Variants in WNT2B observed in about 807,000 individuals in gnomAD.
WNT2B encodes the protein Wnt family member 2B.
In WNT2B, 19 loss-of-function variants were observed where a neutral mutation model predicts 40.5. The observed-to-expected ratio is 0.47, with a 90% CI of 0.33 to 0.69. The LOEUF is 0.69. Ranked by LOEUF, WNT2B falls within the 30% of genes least tolerant of loss-of-function variation. The pLI is 0.02. For missense variants in WNT2B, 467 were observed against 556.4 expected, an observed-to-expected ratio of 0.84 and a Z score of 1.62; for synonymous variants, 220 against 211.9, an observed-to-expected ratio of 1.04 and a Z score of -0.33.
At position 112,517,317 on chromosome 1, in the gene WNT2B, G is replaced by A. The variant is rs766318758; in HGVS notation, c.878G>A (p.Arg293His). 9.9e-6 allele frequency: 16 copies of A among 1,614,134 alleles called. No homozygotes were observed. Among genetic ancestry groups the A allele is most frequent in the African/African-American group, 5.3e-5 (4 of 75,058 alleles). Residue 293 changes from arginine (R) to histidine (H), a missense_variant, in exon 4 of 5, where the codon CGT (arginine) becomes CAT (histidine). Arg to His is a conservative substitution (Grantham distance 29). Coordinates refer to ENST00000369684, the MANE Select transcript of WNT2B (RefSeq NM_024494.3). ...NFTAARQGYR[R>H]ATRTDLVYFD... Reference sequence around the variant, plus strand: ...ACCGCAGCCCGCCAAGGCTATCGCCGTGCCACCCGGACTGATCTTGTCTAC... The same window carrying A: ...ACCGCAGCCCGCCAAGGCTATCGCCATGCCACCCGGACTGATCTTGTCTAC...
intron 1 of WNT2B, among the ~76,000 whole-genome samples, chr1:112,490,596 T>C (rs1391419431): frequency 6.6e-6 from 1 of 151,740 alleles, no homozygotes; most frequent in Non-Finnish European, 1.5e-5. Context: ...TTCACGCCAT[T>C]CTCCTGCCTC....
chr1:112,529,768 AAAAAG>A lies in WNT2B; in HGVS notation c.*9260_*9264del, dbSNP rs1440313173. On this transcript the variant is annotated 3_prime_UTR_variant, in exon 5 of 5. Transcript: ENST00000369684. The stretch of plus-strand genomic sequence containing the variant: ...ATAAAAGTTAAAAAAAAAAAAAAAA[AAAAAG>A]GTAACTATGCTCATTATTTTCAACC... 2 of 152,040 alleles carry A rather than the reference AAAAAG, an allele frequency of 1.3e-5. No individual in the cohort carries two copies. The highest frequency in any genetic ancestry group is 3.8e-4 in the East Asian group (2 of 5,198). 9.4% of individuals were successfully genotyped at this position (152,040 alleles called of 1,614,324 possible).
At position 112,509,090 on chromosome 1, in the gene WNT2B, G is replaced by T; in HGVS notation, c.-173G>T. 7.4e-7 allele frequency: 1 copy of T among 1,349,366 alleles called. No homozygotes were observed. Among genetic ancestry groups the T allele is most frequent in the Non-Finnish European group, 9.4e-7 (1 of 1,059,404 alleles). The allele number at this position is 1,349,366 out of a possible 1,614,324, so 83.6% of individuals were successfully genotyped here. ...TCGGCTTCCGGACATCGCAACTTGC[G>T]CCCCTCTCGGGGATCCTCCTCCCGG... On this transcript the variant is annotated 5_prime_UTR_variant, in exon 1 of 5. Coordinates refer to ENST00000369684, the MANE Select transcript of WNT2B (RefSeq NM_024494.3). The surrounding 1 kb of genome is among the most constrained non-coding windows in gnomAD (Gnocchi z 4.2).
rs756961551 is a variant in WNT2B, at chr1:112,520,376, G to A, written c.1043G>A (p.Arg348Gln). ...MCCGRGYDTTRVTRVTQCECK... is the reference protein window; with the variant it reads ...MCCGRGYDTTQVTRVTQCECK... ...TGTGGCCGAGGGTACGACACAACTC[G>A]AGTCACCCGTGTTACCCAGTGTGAG... Residue 348 changes from arginine (R) to glutamine (Q), a missense_variant, in exon 5 of 5, where the codon CGA becomes CAA. By Grantham distance (43) the Arg-to-Gln change is conservative (BLOSUM62 1). This residue lies in a region of WNT2B where 330 missense variants were observed against 438.6 expected (regional missense o/e 0.75). Coordinates refer to ENST00000369684, the MANE Select transcript of WNT2B (RefSeq NM_024494.3). 3.1e-6 allele frequency: 5 copies of A among 1,614,120 alleles called. No homozygotes were observed. Among genetic ancestry groups the A allele is most frequent in the East Asian group, 2.2e-5 (1 of 44,872 alleles).
exon 1 of WNT2B, chr1:112,467,361 T>C: frequency 1.7e-6 from 1 of 584,506 alleles, no homozygotes; most frequent in Non-Finnish European, 3.1e-6. Flanking sequence ...CAGGCACATT[T>C]ACCAAGAAGC....
intron 1 of WNT2B, among the ~76,000 whole-genome samples, chr1:112,473,220 AAAGGAAGG>A (rs146048351): frequency 6.8e-5 from 10 of 147,940 alleles, no homozygotes; most frequent in African/African-American, 1.5e-4. Flanking sequence ...GAGGGAGAGG[AAAGGAAGG>A]AAGGAAGGAA....
At chr1:112,502,408 G>C (rs963305132) in intron 1 of WNT2B, among the ~76,000 whole-genome samples, 12 of 152,252 alleles carry the variant, frequency 7.9e-5, no homozygotes, top group Non-Finnish European at 1.8e-4. Flanking sequence ...GACAAGCAGC[G>C]ATAAACAGCT....
chr1:112,520,520 A>G lies in WNT2B; in HGVS notation c.*11A>G. 1.2e-6 allele frequency: 2 copies of G among 1,611,826 alleles called. No individual in the cohort carries two copies. The highest frequency in any genetic ancestry group is 1.7e-6 in the Non-Finnish European group (2 of 1,178,760). On this transcript the variant is annotated 3_prime_UTR_variant, in exon 5 of 5. Transcript: ENST00000369684. ...CTGGACCAAACCTGAACACACAGAT[A>G]CCTCACTCATCCCTCCAATTCAAGC...
chr1:112,471,289 A>C lies in WNT2B; in HGVS notation c.-95+3698A>C, dbSNP rs574591071. 2.2e-3 allele frequency among the ~76,000 whole-genome samples: 335 copies of C among 152,294 alleles called. 1 individual carries two copies. Among genetic ancestry groups the C allele is most frequent in the Non-Finnish European group, 4.1e-3 (276 of 68,022 alleles). ...CACTAGTCTCAGAGTTTGTATGGGT[A>C]GAGGAGCTCTCTCATGGTTAGGACT... On this transcript the variant is annotated intron_variant, in intron 1 of 4. Transcript: ENST00000256640.
intron 1 of WNT2B, among the ~76,000 whole-genome samples, chr1:112,470,935 A>C (rs932205415): frequency 4.6e-5 from 7 of 152,202 alleles, no homozygotes; most frequent in African/African-American, 1.7e-4. Context: ...ACTGTGTCCC[A>C]GGGGCTTCCT....
At chr1:112,511,239 TAGGGAGGG>T (rs941826971) in intron 1 of WNT2B, among the ~76,000 whole-genome samples, 2 of 150,600 alleles carry the variant, frequency 1.3e-5, no homozygotes, top group African/African-American at 2.4e-5. Context: ...GTGAAAGAGC[TAGGGAGGG>T]AGGGAGGGAG....
chr1:112,515,001 A>C lies in WNT2B; in HGVS notation c.310A>C (p.Ile104Leu). 6.2e-7 allele frequency: 1 copy of C among 1,614,160 alleles called. No homozygotes were observed. The highest frequency in any genetic ancestry group is 1.3e-5 in the African/African-American group (1 of 75,034). ...RSVGEGAREWIRECQHQFRHH... is the reference protein window; with the variant it reads ...RSVGEGAREWLRECQHQFRHH... ...AGTGGGCGAGGGTGCCCGAGAATGG[A>C]TCCGAGAGTGTCAGCACCAATTCCG... Residue 104 changes from isoleucine (I) to leucine (L), a missense_variant, in exon 2 of 5, where the codon ATC (isoleucine) becomes CTC (leucine). Transcript: ENST00000369684. The surrounding 1 kb of genome is among the most constrained non-coding windows in gnomAD (Gnocchi z 4.4).
upstream of WNT2B, among the ~76,000 whole-genome samples, chr1:112,506,190 G>A (rs570599774): frequency 6.6e-6 from 1 of 152,074 alleles, no homozygotes; most frequent in South Asian, 2.1e-4. Flanking sequence ...AAATTTTTTG[G>A]GTCTCACCGT....
intron 1 of WNT2B, among the ~76,000 whole-genome samples, chr1:112,474,644 G>A (rs1020871496): frequency 4.6e-5 from 7 of 152,164 alleles, no homozygotes; most frequent in South Asian, 4.1e-4. Flanking sequence ...AAACAATGGC[G>A]ATAGTCACTT....
intron 1 of WNT2B, among the ~76,000 whole-genome samples, chr1:112,501,536 C>T (rs1023399382): frequency 6.6e-6 from 1 of 152,198 alleles, no homozygotes; most frequent in Non-Finnish European, 1.5e-5. Context: ...TTTGTATCAG[C>T]ATGGACTCAT....
chr1:112,468,530 T>C (rs933148574), intron 1 of WNT2B, among the ~76,000 whole-genome samples: 6 of 152,194 alleles, frequency 3.9e-5, no homozygotes, highest in African/African-American at 1.4e-4. Flanking sequence ...TGGTTTTGTT[T>C]TGCACTTCCC....
chr1:112,501,835 G>A (rs1023748982), intron 1 of WNT2B, among the ~76,000 whole-genome samples: 33 of 152,178 alleles, frequency 2.2e-4, no homozygotes, highest in African/African-American at 7.7e-4. Context: ...TAGGAGTTGT[G>A]GTCTGGACAG....
chr1:112,517,127 C>G lies in WNT2B; in HGVS notation c.688C>G (p.Arg230Gly), dbSNP rs745757451. ...TGCCTTCCCCCTCCCCCAGGCTGTG[C>G]GGCGGTTTCTGAAGCTGGAGTGTAA... is the stretch of plus-strand genomic sequence containing the variant. ...HNNRCGRTAVRRFLKLECKCH... is the reference protein window; with the variant it reads ...HNNRCGRTAVGRFLKLECKCH... The change falls in exon 4 of 5, where the codon CGG becomes GGG. Residue 230 changes from arginine to glycine, a missense_variant. Physicochemically the swap from Arg to Gly is moderately radical, Grantham distance 125 (BLOSUM62 -2). This residue lies in a region of WNT2B where 330 missense variants were observed against 438.6 expected (regional missense o/e 0.75). Coordinates refer to ENST00000369684, the MANE Select transcript of WNT2B (RefSeq NM_024494.3). The G allele has an allele frequency of 6.2e-7, 1 of 1,610,572 alleles. No homozygotes were observed. The highest frequency in any genetic ancestry group is 1.1e-5 in the South Asian group (1 of 90,944).
chr1:112,480,736 G>T (rs1216419755), intron 1 of WNT2B, among the ~76,000 whole-genome samples: 1 of 151,966 alleles, frequency 6.6e-6, no homozygotes, highest in Non-Finnish European at 1.5e-5. Flanking sequence ...ATTCTGCAAG[G>T]CCAAAATTAC....
Sources: allele counts gnomAD v4.1 joint callset (sites outside exome capture counted in the v4.1 genomes callset), GRCh38; gene constraint gnomAD v4.1.1; regional missense constraint gnomAD v4.1.1; non-coding constraint Gnocchi (gnomAD v3.1); transcripts MANE v1.5; gene names NCBI Gene and HGNC (gene_info 2026-07-23, HGNC 2026-07-21).